The following GABRB1 variants were observed in gnomAD, a reference collection of about 807,000 sequenced individuals.
The protein encoded by GABRB1 is gamma-aminobutyric acid receptor subunit beta-1.
Under a neutral mutation model 51.6 loss-of-function variants are expected in GABRB1, and 17 were observed. The ratio of observed to expected loss-of-function variants is 0.33; its 90% CI spans 0.23 to 0.49. The LOEUF is 0.49. Ranked by LOEUF, GABRB1 falls within the 20% of genes least tolerant of loss-of-function variation. GABRB1 has a pLI of 0.99. For missense variants in GABRB1, 410 were observed against 600.6 expected, an observed-to-expected ratio of 0.68 and a Z score of 3.32; for synonymous variants, 247 against 218.9, an observed-to-expected ratio of 1.13 and a Z score of -1.14.
chr4:47,021,249 C>A (rs1314987368), intron 1 of GABRB1, among the ~76,000 whole-genome samples: 1 of 152,040 alleles, frequency 6.6e-6, no homozygotes, highest in Non-Finnish European at 1.5e-5. Context: ...TTTATTTATT[C>A]ATCTATTCAA....
intron 3 of GABRB1, among the ~76,000 whole-genome samples, chr4:47,079,581 A>T (rs544697635): frequency 7.9e-5 from 12 of 152,218 alleles, no homozygotes; most frequent in African/African-American, 2.9e-4. Flanking sequence ...CACAATAGCA[A>T]AGACTTGGAA....
chr4:47,258,117 T>G (rs1722288111), intron 4 of GABRB1, among the ~76,000 whole-genome samples: 1 of 152,164 alleles, frequency 6.6e-6, no homozygotes, highest in Admixed American at 6.5e-5. Flanking sequence ...CCTCTTCAGT[T>G]AAAATAACTC....
intron 4 of GABRB1, among the ~76,000 whole-genome samples, chr4:47,191,259 G>A (rs1016102057): frequency 2.0e-5 from 3 of 152,130 alleles, no homozygotes; most frequent in African/African-American, 7.2e-5. Context: ...TGTGCCTCAA[G>A]ATCCTTTTTT....
chr4:47,081,490 G>GT, intron 3 of GABRB1, among the ~76,000 whole-genome samples: 1 of 152,164 alleles, frequency 6.6e-6, no homozygotes. Context: ...ACTTCTTTTT[G>GT]TTCTCTGAAT....
chr4:47,044,267 T>C (rs7356278), intron 3 of GABRB1, among the ~76,000 whole-genome samples: 83,070 of 151,818 alleles, frequency 0.55, 23,259 homozygotes, highest in African/African-American at 0.66. Context: ...ATTAATCTCA[T>C]AGTTAAAATC....
intron 5 of GABRB1, among the ~76,000 whole-genome samples, chr4:47,341,527 G>A (rs146900608): frequency 7.9e-4 from 120 of 152,286 alleles, no homozygotes; most frequent in African/African-American, 2.6e-3. Context: ...TGTCTAGTTA[G>A]TTAATGAACA....
chr4:47,182,798 A>G (rs1278771062), intron 4 of GABRB1, among the ~76,000 whole-genome samples: 1 of 151,968 alleles, frequency 6.6e-6, no homozygotes, highest in Non-Finnish European at 1.5e-5. Flanking sequence ...CCTTTTTGTC[A>G]GTGTTATAAC....
intron 4 of GABRB1, among the ~76,000 whole-genome samples, chr4:47,245,416 T>C (rs1450403716): frequency 6.6e-6 from 1 of 152,130 alleles, no homozygotes; most frequent in Non-Finnish European, 1.5e-5. Context: ...CAATTATTCA[T>C]CACGTAAAAT....
intron 1 of GABRB1, among the ~76,000 whole-genome samples, chr4:47,009,237 TATTA>T (rs1215712410): frequency 6.7e-6 from 1 of 150,312 alleles, no homozygotes; most frequent in African/African-American, 2.4e-5. Flanking sequence ...TCAAAATATT[TATTA>T]ATTAAATTTT....
At chr4:47,356,252 A>G (rs1179927364) in intron 5 of GABRB1, among the ~76,000 whole-genome samples, 1 of 142,782 alleles carries the variant, frequency 7.0e-6, no homozygotes, top group Non-Finnish European at 1.6e-5. Flanking sequence ...AGAAACTGAC[A>G]GCTACTCCTT....
At chr4:47,334,530 A>G (rs1259059535) in intron 5 of GABRB1, among the ~76,000 whole-genome samples, 1 of 152,230 alleles carries the variant, frequency 6.6e-6, no homozygotes, top group Non-Finnish European at 1.5e-5. Flanking sequence ...ATATAGTATC[A>G]TTAATACTCC....
rs940937146 is a variant in GABRB1, at chr4:47,341,801, G to A, written c.544+21592G>A. On this transcript the variant is annotated intron_variant, in intron 5 of 8. Transcript: ENST00000295454. ...TTCTTTGGACAGAGCCCTTCCTTTC[G>A]TGAACATCCCCTGCAATAAATAGGT... Among the ~76,000 whole-genome samples, 11 of 151,956 alleles carry A rather than the reference G, an allele frequency of 7.2e-5. 1 individual carries two copies. In the South Asian group the frequency reaches 1.2e-3, roughly 17 times the overall value.
chr4:47,392,243 G>A (rs1217948138), intron 5 of GABRB1, among the ~76,000 whole-genome samples: 1 of 152,020 alleles, frequency 6.6e-6, no homozygotes, highest in Non-Finnish European at 1.5e-5. Context: ...CAAAAGAGAG[G>A]TGACTTCTTC....
intron 3 of GABRB1, among the ~76,000 whole-genome samples, chr4:47,118,736 G>A (rs1715615577): frequency 6.6e-6 from 1 of 152,112 alleles, no homozygotes; most frequent in South Asian, 2.1e-4. Context: ...ATTCAAGCAT[G>A]CATACATATA....
At chr4:47,103,286 T>C (rs2109611552) in intron 3 of GABRB1, among the ~76,000 whole-genome samples, 1 of 152,156 alleles carries the variant, frequency 6.6e-6, no homozygotes, top group Middle Eastern at 3.4e-3. Context: ...CAATGGCAAT[T>C]GTGAAAAACA....
At chr4:47,411,219 G>C (rs1310088186) in intron 8 of GABRB1, among the ~76,000 whole-genome samples, 1 of 152,058 alleles carries the variant, frequency 6.6e-6, no homozygotes, top group Non-Finnish European at 1.5e-5. Context: ...AAGTTCATAA[G>C]AAATAGCCCA....
intron 4 of GABRB1, among the ~76,000 whole-genome samples, chr4:47,199,594 G>A (rs547717350): frequency 5.9e-5 from 9 of 152,268 alleles, no homozygotes; most frequent in African/African-American, 9.6e-5. Context: ...ATGAAAGAAG[G>A]GAAGGGTGAC....
Position 47,011,528 on chromosome 4 carries a change from A to T in GABRB1, c.-20+17602A>T, listed in dbSNP as rs373030951. On this transcript the variant is annotated intron_variant, in intron 1 of 3. Coordinates refer to the GABRB1 transcript ENST00000513567. ...GTTTGACCATTTGGGAAACAGAAACATATCAGACTCAGACTCTGAGGCCAA... is the reference window on the plus strand; with the variant it reads ...GTTTGACCATTTGGGAAACAGAAACTTATCAGACTCAGACTCTGAGGCCAA... 2.0e-5 allele frequency among the ~76,000 whole-genome samples: 3 copies of T among 152,296 alleles called. No individual in the cohort carries two copies. In the South Asian group the frequency reaches 6.2e-4, roughly 32 times the overall value.
chr4:47,207,467 T>C (rs1399636218), intron 4 of GABRB1, among the ~76,000 whole-genome samples: 1 of 152,062 alleles, frequency 6.6e-6, no homozygotes, highest in Non-Finnish European at 1.5e-5. Context: ...CCATTAAAAT[T>C]AGTTTTCAGG....
Sources: allele counts gnomAD v4.1 joint callset (sites outside exome capture counted in the v4.1 genomes callset), GRCh38; gene constraint gnomAD v4.1.1; transcripts MANE v1.5; gene names NCBI Gene and HGNC (gene_info 2026-07-23, HGNC 2026-07-21).